Variants in VPS50 observed in about 807,000 individuals in gnomAD.
The protein encoded by VPS50 is VPS50 subunit of EARP/GARPII complex.
VPS50 carries 70 observed loss-of-function variants against 139.7 expected under a neutral mutation model. The observed-to-expected ratio is 0.50, with a 90% CI of 0.41 to 0.61. The LOEUF (loss-of-function observed/expected upper bound fraction) is 0.61, where lower values mean the gene tolerates loss of function less well. Among genes scored for constraint, VPS50 ranks in the 20% least tolerant of loss-of-function variants. VPS50 has a pLI of 0.00. For missense variants in VPS50, 921 were observed against 1,133.7 expected, an observed-to-expected ratio of 0.81 and a Z score of 2.69; for synonymous variants, 365 against 376.7, an observed-to-expected ratio of 0.97 and a Z score of 0.36.
At position 93,341,457 on chromosome 7, in the gene VPS50, A is replaced by G. The variant is rs1257347902; in HGVS notation, c.2089A>G (p.Thr697Ala). The G allele has an allele frequency of 1.2e-6, 2 of 1,611,986 alleles. No individual in the cohort carries two copies. Among genetic ancestry groups the G allele is most frequent in the Middle Eastern group, 1.7e-4 (1 of 6,060 alleles). Residue 697 changes from threonine to alanine, a missense_variant, in exon 23 of 28, where the codon ACA (threonine) becomes GCA (alanine). This residue lies in a region of VPS50 where 744 missense variants were observed against 930.6 expected (regional missense o/e 0.80). Transcript: ENST00000305866. ...EVSADPTATL[T>A]AAEERKEKVP... is the part of the protein sequence containing the mutation. ...TTCAGCTGATCCTACTGCCACACTC[A>G]CAGCAGCAGAAGAAAGAAAGGAGAA...
At chr7:93,298,296 C>A (rs1231289329) in intron 16 of VPS50, among the ~76,000 whole-genome samples, 1 of 152,156 alleles carries the variant, frequency 6.6e-6, no homozygotes, top group Admixed American at 6.6e-5. Context: ...AAGGGACCAA[C>A]AGGAAGCCCT....
intron 20 of VPS50, among the ~76,000 whole-genome samples, chr7:93,321,384 G>A (rs1797609525): frequency 6.6e-6 from 1 of 152,144 alleles, no homozygotes; most frequent in African/African-American, 2.4e-5. Flanking sequence ...GCCTCCTCAA[G>A]CCTCCAAACG....
chr7:93,253,876 T>C lies in VPS50; in HGVS notation c.242T>C (p.Leu81Pro). The C allele has an allele frequency of 6.3e-7, 1 of 1,596,388 alleles. No homozygotes were observed. Among genetic ancestry groups the C allele is most frequent in the Middle Eastern group, 1.7e-4 (1 of 6,006 alleles). Residue 81 changes from leucine to proline, a missense_variant, in exon 4 of 28, where the codon CTC (leucine) becomes CCC (proline). This residue lies in a region of VPS50 where 744 missense variants were observed against 930.6 expected (regional missense o/e 0.80). Coordinates refer to ENST00000305866, the MANE Select transcript of VPS50 (RefSeq NM_017667.4). ...TTTCTGTAGAAGCTTCCACCTGTTC[T>C]CAATTTGCAAGAATTAGAGGCGTAT... Reference protein sequence around the residue: ...KYELEKLPPVLNLQELEAYRD... With the variant: ...KYELEKLPPVPNLQELEAYRD...
Position 93,315,996 on chromosome 7 carries a change from A to T in VPS50, c.1855+4724A>T, listed in dbSNP as rs142191337. On this transcript the variant is annotated intron_variant, in intron 20 of 27. Transcript: ENST00000305866. ...CAGTGTGTTGTTATAAGCATAAATAAACAGAAAAGAGGCAAGAGAAAGAAT... is the reference window on the plus strand; with the variant it reads ...CAGTGTGTTGTTATAAGCATAAATATACAGAAAAGAGGCAAGAGAAAGAAT... Among the ~76,000 whole-genome samples the T allele has an allele frequency of 7.9e-5, 12 of 152,344 alleles. No individual in the cohort carries two copies. In the East Asian group the frequency reaches 2.3e-3, roughly 29 times the overall value.
intron 9 of VPS50, among the ~76,000 whole-genome samples, chr7:93,262,576 C>T (rs562675969): frequency 1.3e-5 from 2 of 152,308 alleles, no homozygotes; most frequent in South Asian, 4.1e-4. Flanking sequence ...GGTAAAAGTA[C>T]ATCACACATA....
chr7:93,259,489 TA>T, intron 8 of VPS50, 60 bp from the exon 9 acceptor site: 1 of 847,586 alleles, frequency 1.2e-6, no homozygotes, highest in Non-Finnish European at 2.0e-6. Flanking sequence ...GATTTTTTTT[TA>T]TCAGGGGCTT....
chr7:93,249,922 T>C (rs1265869768), intron 2 of VPS50, among the ~76,000 whole-genome samples: 1 of 152,136 alleles, frequency 6.6e-6, no homozygotes, highest in Non-Finnish European at 1.5e-5. Flanking sequence ...ACCAAGTCTG[T>C]GCGGCAGCAC....
intron 12 of VPS50, among the ~76,000 whole-genome samples, chr7:93,289,935 C>A (rs1274635537): frequency 2.6e-5 from 4 of 151,956 alleles, no homozygotes; most frequent in African/African-American, 7.2e-5. Context: ...TAAGGGATTT[C>A]TTTCCATTTG....
Position 93,240,435 on chromosome 7 carries a change from T to C in VPS50, c.102+501T>C, listed in dbSNP as rs1794954381. Among the ~76,000 whole-genome samples, 3 of 152,306 alleles carry C rather than the reference T, an allele frequency of 2.0e-5. No individual in the cohort carries two copies. The South Asian group carries it at 6.2e-4, about 32-fold the overall frequency. ...TAGTATTTATACTGAATTGTATAAC[T>C]TATCTCCTAGATTGTAGGTATTTTA... is the stretch of plus-strand genomic sequence containing the variant. On this transcript the variant is annotated intron_variant, in intron 2 of 27. Coordinates refer to ENST00000305866, the MANE Select transcript of VPS50 (RefSeq NM_017667.4).
intron 21 of VPS50, among the ~76,000 whole-genome samples, chr7:93,325,870 C>T (rs13310908): frequency 6.7e-6 from 1 of 150,160 alleles, no homozygotes; most frequent in Non-Finnish European, 1.5e-5. Context: ...TAGTTCAACC[C>T]TTGTGGAAGT....
At chr7:93,324,706 G>T (rs1259072532) in intron 21 of VPS50, among the ~76,000 whole-genome samples, 1 of 152,018 alleles carries the variant, frequency 6.6e-6, no homozygotes, top group East Asian at 1.9e-4. Context: ...GCTTCAAAGA[G>T]AATAAAATAC....
chr7:93,267,715 AG>A (rs1795882730), intron 9 of VPS50, among the ~76,000 whole-genome samples: 1 of 152,172 alleles, frequency 6.6e-6, no homozygotes, highest in South Asian at 2.1e-4. Context: ...AAGCCTGGAA[AG>A]ATAGATGGAT....
Position 93,303,527 on chromosome 7 carries a change from A to G in VPS50, c.1429A>G (p.Asn477Asp), listed in dbSNP as rs745973693. The G allele has an allele frequency of 9.0e-6, 14 of 1,552,574 alleles. No homozygotes were observed. ...ETWELCPVKS[N>D]FSILQLHEFK... ...TTGGGAACTTTGTCCTGTTAAGTCA[A>G]ATTTCAGCATCTTGCAACTTCATGT... The change falls in exon 17 of 28, where the codon AAT (asparagine) becomes GAT (aspartate). Residue 477 changes from asparagine to aspartate, a missense_variant. This residue lies in a region of VPS50 where 744 missense variants were observed against 930.6 expected (regional missense o/e 0.80). Transcript: ENST00000305866.
At chr7:93,294,768 A>G in intron 14 of VPS50, 132 bp downstream of exon 14, 1 of 689,352 alleles carries the variant, frequency 1.5e-6, no homozygotes, top group Non-Finnish European at 2.3e-6. Context: ...GTTTGGAATT[A>G]GGCTATCATT....
At chr7:93,284,023 G>A (rs139418802) in intron 12 of VPS50, among the ~76,000 whole-genome samples, 1 of 152,230 alleles carries the variant, frequency 6.6e-6, no homozygotes, top group African/African-American at 2.4e-5. Context: ...GTCTGGCAAG[G>A]CCTCTATATT....
intron 9 of VPS50, among the ~76,000 whole-genome samples, chr7:93,266,207 A>G (rs1478569590): frequency 6.6e-6 from 1 of 152,220 alleles, no homozygotes; most frequent in Non-Finnish European, 1.5e-5. Flanking sequence ...TAAAAGTTTT[A>G]TAACTTTACT....
intron 1 of VPS50, among the ~76,000 whole-genome samples, chr7:93,235,291 G>A (rs1249356534): frequency 6.6e-6 from 1 of 152,196 alleles, no homozygotes; most frequent in Non-Finnish European, 1.5e-5. Context: ...GATGACTGAA[G>A]GCAGGAAGCT....
chr7:93,246,121 T>C, intron 2 of VPS50: 1 of 1,520,300 alleles, frequency 6.6e-7, no homozygotes, highest in Non-Finnish European at 8.8e-7. Context: ...TAACGTGATG[T>C]TAACTTTGGT....
chr7:93,297,362 G>T, intron 16 of VPS50, 119 bp downstream of exon 16: 1 of 1,128,190 alleles, frequency 8.9e-7, no homozygotes, highest in Non-Finnish European at 1.1e-6. Flanking sequence ...TGAATGTGTT[G>T]TAGCTTTTTT....
Sources: gnomAD v4.1 joint callset for allele counts (sites outside exome capture counted in the v4.1 genomes callset) on GRCh38, gnomAD v4.1.1 for gene constraint, gnomAD v4.1.1 regional missense constraint, MANE v1.5 for transcripts, NCBI Gene and HGNC (gene_info 2026-07-23, HGNC 2026-07-21) for gene names.